The following HSDL2 variants were observed in gnomAD, a reference collection of about 807,000 sequenced individuals.
HSDL2 encodes hydroxysteroid dehydrogenase like 2.
A neutral mutation model predicts 46.3 loss-of-function variants in HSDL2; 27 were observed. The observed-to-expected ratio is 0.58, with a 90% CI of 0.43 to 0.80. The LOEUF (loss-of-function observed/expected upper bound fraction) is 0.80. Among genes scored for constraint, HSDL2 ranks in the 30% least tolerant of loss-of-function variants. The pLI is 0.00. For missense variants in HSDL2, 451 were observed against 502.7 expected, an observed-to-expected ratio of 0.90 and a Z score of 0.98; for synonymous variants, 153 against 163.6, an observed-to-expected ratio of 0.94 and a Z score of 0.50.
intron 7 of HSDL2, 134 bp from the exon 8 acceptor site, chr9:112,441,565 C>T (rs1370939091): frequency 5.3e-6 from 3 of 565,106 alleles, no homozygotes; most frequent in Non-Finnish European, 9.6e-6. Context: ...TCAGGTCATT[C>T]GACAGTTCTC....
intron 1 of HSDL2, among the ~76,000 whole-genome samples, chr9:112,399,113 A>G (rs952039912): frequency 6.6e-6 from 1 of 152,178 alleles, no homozygotes; most frequent in African/African-American, 2.4e-5. Context: ...TACCCCTAAT[A>G]TTTCAATGTA....
At chr9:112,394,071 A>C (rs891235316) in intron 1 of HSDL2, among the ~76,000 whole-genome samples, 1 of 152,210 alleles carries the variant, frequency 6.6e-6, no homozygotes, top group Non-Finnish European at 1.5e-5. Flanking sequence ...GAGAAGAATT[A>C]TCATAATGCC....
rs576223637 is a variant in HSDL2 at position 112,390,954 on chromosome 9, T to C, written c.17+10774T>C. Among the ~76,000 whole-genome samples the C allele has an allele frequency of 5.3e-5, 8 of 152,192 alleles. No homozygotes were observed. The South Asian group carries it at 1.7e-3, about 32-fold the overall frequency. On this transcript the variant is annotated intron_variant, in intron 1 of 10. Coordinates refer to ENST00000398805, the MANE Select transcript of HSDL2 (RefSeq NM_032303.5). ...ACTTTGGGAGGCCAAGGTGGGCAGA[T>C]CACTTGAGGTCAGGAGTTCAAGACC...
chr9:112,436,510 T>C (rs1262291847), intron 6 of HSDL2, among the ~76,000 whole-genome samples: 1 of 152,058 alleles, frequency 6.6e-6, no homozygotes, highest in African/African-American at 2.4e-5. Context: ...CCAATGGCTC[T>C]TAAAAGCTAC....
chr9:112,446,311 C>T (rs116923260), intron 8 of HSDL2, among the ~76,000 whole-genome samples: 1,599 of 152,200 alleles, frequency 0.011, 26 homozygotes, highest in East Asian at 0.055. Context: ...TGTGACCTTC[C>T]TTTACTTCCT....
chr9:112,424,122 C>T (rs1478800176), intron 6 of HSDL2, among the ~76,000 whole-genome samples: 1 of 151,406 alleles, frequency 6.6e-6, no homozygotes, highest in Admixed American at 6.6e-5. Flanking sequence ...AGATTGAGAC[C>T]GTCCTGGCTA....
At chr9:112,406,037 T>C (rs563339078) in intron 3 of HSDL2, among the ~76,000 whole-genome samples, 8 of 152,158 alleles carry the variant, frequency 5.3e-5, no homozygotes, top group African/African-American at 1.9e-4. Context: ...GGTGGATGCC[T>C]GTAATCCCAG....
intron 3 of HSDL2, among the ~76,000 whole-genome samples, chr9:112,408,518 ATT>A (rs1831785169): frequency 6.6e-6 from 1 of 152,204 alleles, no homozygotes; most frequent in African/African-American, 2.4e-5. Context: ...GAAAGGCATT[ATT>A]AGGTGATTTT....
At chr9:112,450,657 A>C (rs536275961) in intron 8 of HSDL2, among the ~76,000 whole-genome samples, 3 of 150,434 alleles carry the variant, frequency 2.0e-5, no homozygotes, top group Non-Finnish European at 4.4e-5. Context: ...AGAACAGCTC[A>C]AAGAAAAATT....
chr9:112,405,608 G>A lies in HSDL2; in HGVS notation c.182-16G>A. The stretch of plus-strand genomic sequence containing the variant: ...AAATGCTTTAACGCTTTTTCATTTT[G>A]TATCCTTTATATAAGTTGAAGCAGT... On this transcript the variant is annotated splice_polypyrimidine_tract_variant and intron_variant, in intron 2 of 10. Coordinates refer to ENST00000398805, the MANE Select transcript of HSDL2 (RefSeq NM_032303.5). 6.5e-7 allele frequency: 1 copy of A among 1,544,768 alleles called. No homozygotes were observed. Among genetic ancestry groups the A allele is most frequent in the East Asian group, 2.2e-5 (1 of 44,458 alleles).
intron 4 of HSDL2, among the ~76,000 whole-genome samples, chr9:112,410,918 G>A (rs1317921225): frequency 3.3e-5 from 5 of 152,328 alleles, no homozygotes; most frequent in Non-Finnish European, 7.4e-5. Flanking sequence ...GACAGAGCGA[G>A]ACCCTGTCTC....
At chr9:112,429,518 G>T (rs566652985) in intron 6 of HSDL2, among the ~76,000 whole-genome samples, 1 of 152,244 alleles carries the variant, frequency 6.6e-6, no homozygotes, top group East Asian at 1.9e-4. Context: ...TGACTCTTAA[G>T]AATTTTAAAT....
rs1311370971 is a variant in HSDL2, at chr9:112,455,280, T to C, written c.1015+1118T>C. Among the ~76,000 whole-genome samples the C allele has an allele frequency of 3.5e-5, 5 of 141,054 alleles. No homozygotes were observed. In the East Asian group the frequency reaches 1.0e-3, roughly 30 times the overall value. 92.5% of individuals were successfully genotyped at this position (141,054 alleles called of 152,430 possible). Reference sequence around the variant, plus strand: ...GTTAAGAAACAGATAAAATTCGTGTTAAAAAAAAAAAGGCTACCTCAGCCC... The same window carrying C: ...GTTAAGAAACAGATAAAATTCGTGTCAAAAAAAAAAAGGCTACCTCAGCCC... On this transcript the variant is annotated intron_variant, in intron 9 of 10. Coordinates refer to ENST00000398805, the MANE Select transcript of HSDL2 (RefSeq NM_032303.5).
intron 2 of HSDL2, 78 bp downstream of exon 2, chr9:112,404,236 TA>T: frequency 1.4e-6 from 2 of 1,395,220 alleles, no homozygotes; most frequent in Admixed American, 2.0e-5. Context: ...AGAGTTTAGT[TA>T]AAGCTATTTG....
At chr9:112,449,379 G>A (rs538945857) in intron 8 of HSDL2, among the ~76,000 whole-genome samples, 30 of 151,874 alleles carry the variant, frequency 2.0e-4, no homozygotes, top group Admixed American at 6.6e-4. Context: ...GAGCCACCAC[G>A]CCCAGCCTCT....
intron 6 of HSDL2, among the ~76,000 whole-genome samples, chr9:112,420,595 C>T (rs887018430): frequency 5.3e-5 from 8 of 151,886 alleles, no homozygotes; most frequent in Admixed American, 3.3e-4. Flanking sequence ...CACTTAAGTC[C>T]GGGGGTTGAA....
At chr9:112,410,391 T>C (rs1435925263) in intron 4 of HSDL2, among the ~76,000 whole-genome samples, 2 of 152,248 alleles carry the variant, frequency 1.3e-5, no homozygotes, top group Non-Finnish European at 2.9e-5. Flanking sequence ...CACTCACCCC[T>C]CATGACTTTC....
chr9:112,469,689 AG>A (rs150893351), intron 10 of HSDL2: 21,538 of 133,390 alleles, frequency 0.16, 1,345 homozygotes, highest in Middle Eastern at 0.21. Flanking sequence ...AAAAAAAAAA[AG>A]GAAAAAAAGT....
chr9:112,389,602 A>G (rs757505086), intron 1 of HSDL2, among the ~76,000 whole-genome samples: 1 of 152,236 alleles, frequency 6.6e-6, no homozygotes, highest in Non-Finnish European at 1.5e-5. Flanking sequence ...ATTATATCAT[A>G]ATGAAATACA....
Sources: gnomAD v4.1 joint callset for allele counts (sites outside exome capture counted in the v4.1 genomes callset) on GRCh38, gnomAD v4.1.1 for gene constraint, MANE v1.5 for transcripts, NCBI Gene and HGNC (gene_info 2026-07-23, HGNC 2026-07-21) for gene names.